Variants in GRM8 observed in about 807,000 individuals in gnomAD.
The protein encoded by GRM8 is metabotropic glutamate receptor 8.
GRM8 carries 47 observed loss-of-function variants against 87.2 expected under a neutral mutation model. The ratio of observed to expected loss-of-function variants is 0.54; its 90% CI spans 0.43 to 0.69. The LOEUF (loss-of-function observed/expected upper bound fraction) is 0.69. GRM8 is among the 30% of genes least tolerant of loss of function. The probability of loss-of-function intolerance (pLI) is 0.00; values close to 1 mark genes in which losing one functional copy is unlikely to be tolerated. For synonymous variants in GRM8, 396 were observed against 404.5 expected, an observed-to-expected ratio of 0.98 and a Z score of 0.25; for missense variants, 1,019 against 1,139.2, an observed-to-expected ratio of 0.89 and a Z score of 1.52.
intron 8 of GRM8, among the ~76,000 whole-genome samples, chr7:126,567,683 A>C (rs537340246): frequency 6.6e-6 from 1 of 152,276 alleles, no homozygotes; most frequent in African/African-American, 2.4e-5. Context: ...ATAAAATAAA[A>C]AGATATTTCC....
At chr7:126,953,093 T>G (rs902063757) in intron 3 of GRM8, among the ~76,000 whole-genome samples, 1 of 152,090 alleles carries the variant, frequency 6.6e-6, no homozygotes, top group Non-Finnish European at 1.5e-5. Flanking sequence ...AAAAGTAGTT[T>G]GAAATTTAAA....
chr7:126,959,191 G>A (rs1464538157), intron 3 of GRM8, among the ~76,000 whole-genome samples: 1 of 152,150 alleles, frequency 6.6e-6, no homozygotes, highest in Non-Finnish European at 1.5e-5. Flanking sequence ...GACTGACTTG[G>A]TAGAACCTAT....
intron 6 of GRM8, among the ~76,000 whole-genome samples, chr7:126,825,810 G>A (rs1285890805): frequency 6.6e-6 from 1 of 151,884 alleles, no homozygotes; most frequent in African/African-American, 2.4e-5. Flanking sequence ...ATGCTGGTGT[G>A]CTGCACCCAT....
At chr7:126,971,977 A>G (rs1200808983) in intron 3 of GRM8, among the ~76,000 whole-genome samples, 1 of 152,190 alleles carries the variant, frequency 6.6e-6, no homozygotes, top group Non-Finnish European at 1.5e-5. Flanking sequence ...TAAGACACCA[A>G]TCTGCACTAA....
chr7:126,719,615 C>T (rs545467203), intron 7 of GRM8, among the ~76,000 whole-genome samples: 1 of 152,208 alleles, frequency 6.6e-6, no homozygotes, highest in East Asian at 1.9e-4. Context: ...CACCACGACA[C>T]CTTACAGAGG....
chr7:127,146,412 A>G (rs974446394), intron 2 of GRM8, among the ~76,000 whole-genome samples: 20 of 151,994 alleles, frequency 1.3e-4, no homozygotes, highest in African/African-American at 4.6e-4. Context: ...GAGACTCACA[A>G]CTGCTCTCCA....
chr7:126,658,636 A>G (rs915818147), intron 7 of GRM8, among the ~76,000 whole-genome samples: 9 of 151,820 alleles, frequency 5.9e-5, no homozygotes, highest in Non-Finnish European at 1.2e-4. Context: ...ACCACATTCT[A>G]GATCAACTGG....
chr7:126,729,724 T>C (rs973401092), intron 7 of GRM8, among the ~76,000 whole-genome samples: 3 of 152,196 alleles, frequency 2.0e-5, no homozygotes, highest in Non-Finnish European at 4.4e-5. Flanking sequence ...TTTTTCCTCA[T>C]CTAAGATCTC....
chr7:126,890,243 G>T (rs1800868460), intron 6 of GRM8, among the ~76,000 whole-genome samples: 1 of 152,064 alleles, frequency 6.6e-6, no homozygotes, highest in Non-Finnish European at 1.5e-5. Context: ...AGAAAAGGAA[G>T]TTGTTAAATC....
intron 9 of GRM8, among the ~76,000 whole-genome samples, chr7:126,505,808 T>A (rs1289138285): frequency 3.9e-5 from 6 of 152,086 alleles, no homozygotes; most frequent in African/African-American, 1.4e-4. Flanking sequence ...AACATATCCA[T>A]CACCTAACAT....
intron 7 of GRM8, among the ~76,000 whole-genome samples, chr7:126,767,147 G>T (rs186556940): frequency 6.6e-6 from 1 of 152,212 alleles, no homozygotes; most frequent in East Asian, 1.9e-4. Flanking sequence ...TGAAGATAGA[G>T]TCTTAAAACT....
chr7:126,631,522 GA>G (rs1460457202), intron 7 of GRM8, among the ~76,000 whole-genome samples: 4 of 151,628 alleles, frequency 2.6e-5, no homozygotes, highest in Admixed American at 6.6e-5. Flanking sequence ...CACAGAATCA[GA>G]AAAAAACTAT....
chr7:127,143,453 T>C (rs935972159), intron 2 of GRM8, among the ~76,000 whole-genome samples: 4 of 152,178 alleles, frequency 2.6e-5, no homozygotes, highest in Non-Finnish European at 4.4e-5. Flanking sequence ...ACTTGCTTAT[T>C]TAATTTGTAG....
At chr7:126,779,303 T>C (rs1443101308) in intron 6 of GRM8, among the ~76,000 whole-genome samples, 1 of 152,120 alleles carries the variant, frequency 6.6e-6, no homozygotes, top group Non-Finnish European at 1.5e-5. Flanking sequence ...TATATAACAT[T>C]ATTTTTAACA....
At chr7:126,654,550 T>C (rs1397836269) in intron 7 of GRM8, among the ~76,000 whole-genome samples, 1 of 152,220 alleles carries the variant, frequency 6.6e-6, no homozygotes, top group Admixed American at 6.5e-5. Flanking sequence ...CCAGTATTTA[T>C]GTGGACTTGA....
chr7:127,001,701 CAAGAGT>C (rs1813742580), intron 3 of GRM8, among the ~76,000 whole-genome samples: 1 of 151,390 alleles, frequency 6.6e-6, no homozygotes, highest in Admixed American at 6.6e-5. Context: ...CCAACAATTC[CAAGAGT>C]AATAATCATA....
intron 6 of GRM8, among the ~76,000 whole-genome samples, chr7:126,847,709 A>G (rs1322077318): frequency 6.6e-6 from 1 of 152,186 alleles, no homozygotes; most frequent in Non-Finnish European, 1.5e-5. Flanking sequence ...TGAAAGCCAT[A>G]CTGCTTTTAT....
chr7:126,859,261 G>T (rs926944313), intron 6 of GRM8, among the ~76,000 whole-genome samples: 2 of 152,124 alleles, frequency 1.3e-5, no homozygotes, highest in Admixed American at 6.5e-5. Flanking sequence ...TTTATTAAAC[G>T]TGAATAGATA....
intron 3 of GRM8, among the ~76,000 whole-genome samples, chr7:127,040,928 A>T (rs929182494): frequency 2.0e-5 from 3 of 152,248 alleles, no homozygotes; most frequent in Admixed American, 6.5e-5. Context: ...AAGCAAAAAG[A>T]TATAACTAAT....
Sources: gnomAD v4.1 joint callset for allele counts (sites outside exome capture counted in the v4.1 genomes callset) on GRCh38, gnomAD v4.1.1 for gene constraint, MANE v1.5 for transcripts, NCBI Gene and HGNC (gene_info 2026-07-23, HGNC 2026-07-21) for gene names.